UPP2: variants seen among roughly 807,000 people sequenced by gnomAD.
UPP2 encodes the protein UPase 2.
A neutral mutation model predicts 26.7 loss-of-function variants in UPP2; 23 were observed. The observed-to-expected ratio is 0.86, with a 90% CI of 0.62 to 1.22. The LOEUF is 1.22. UPP2 is among the 50% of genes most tolerant of loss of function. UPP2 has a pLI of 0.00. For missense variants in UPP2, 387 were observed against 396.7 expected, an observed-to-expected ratio of 0.98 and a Z score of 0.21; for synonymous variants, 127 against 141.3, an observed-to-expected ratio of 0.90 and a Z score of 0.72.
intron 3 of UPP2, among the ~76,000 whole-genome samples, chr2:158,019,711 A>T: frequency 6.6e-6 from 1 of 151,662 alleles, no homozygotes; most frequent in East Asian, 1.9e-4. Flanking sequence ...AGAGAGAGAG[A>T]AATTCTATCT....
At chr2:158,082,404 C>A (rs1210337908) in intron 3 of UPP2, among the ~76,000 whole-genome samples, 2 of 152,182 alleles carry the variant, frequency 1.3e-5, no homozygotes, top group African/African-American at 4.8e-5. Flanking sequence ...GATTCTTAGG[C>A]CTTTGCATCC....
At chr2:158,019,833 G>A (rs1558905467) in intron 3 of UPP2, among the ~76,000 whole-genome samples, 1 of 152,038 alleles carries the variant, frequency 6.6e-6, no homozygotes, top group African/African-American at 2.4e-5. Context: ...GCATGCAGGA[G>A]TTTTTTAGAG....
intron 2 of UPP2, among the ~76,000 whole-genome samples, chr2:158,009,855 G>T (rs1683548872): frequency 6.6e-6 from 1 of 152,176 alleles, no homozygotes; most frequent in Non-Finnish European, 1.5e-5. Flanking sequence ...TAAGGCAAAG[G>T]GCTATGCAGG....
At chr2:157,997,519 A>G (rs1683339654) in intron 2 of UPP2, among the ~76,000 whole-genome samples, 1 of 152,134 alleles carries the variant, frequency 6.6e-6, no homozygotes, top group South Asian at 2.1e-4. Flanking sequence ...TTTTGAATTT[A>G]CTTTTGAGGA....
intron 3 of UPP2, among the ~76,000 whole-genome samples, chr2:158,116,183 C>T (rs765978763): frequency 3.9e-5 from 6 of 152,170 alleles, no homozygotes; most frequent in Non-Finnish European, 5.9e-5. Flanking sequence ...GCCAAGAGCG[C>T]CTGAAACCTG....
rs1369202900 is a variant in UPP2, at chr2:158,037,029, T to A, written c.147+21143T>A. ...TTTATTTTTTGGAATCTCAGATTCA[T>A]TCCTATCTCAGAGGGCTAACCAGGC... On this transcript the variant is annotated intron_variant, in intron 3 of 9. Transcript: ENST00000605860. 2.6e-5 allele frequency among the ~76,000 whole-genome samples: 4 copies of A among 152,310 alleles called. No individual in the cohort carries two copies. In the East Asian group the frequency reaches 7.7e-4, roughly 29 times the overall value.
chr2:158,035,147 A>G (rs1386667779), intron 3 of UPP2, among the ~76,000 whole-genome samples: 1 of 151,412 alleles, frequency 6.6e-6, no homozygotes, highest in Non-Finnish European at 1.5e-5. Flanking sequence ...TCAGTTTAAG[A>G]GGATCAGAAT....
chr2:158,087,361 C>T (rs552504454), intron 3 of UPP2, among the ~76,000 whole-genome samples: 2 of 152,208 alleles, frequency 1.3e-5, no homozygotes, highest in East Asian at 1.9e-4. Flanking sequence ...CACCCCTTTA[C>T]CTTAAGTTTA....
chr2:158,120,131 T>C (rs910331333), intron 4 of UPP2, among the ~76,000 whole-genome samples: 1 of 152,068 alleles, frequency 6.6e-6, no homozygotes, highest in Non-Finnish European at 1.5e-5. Context: ...TAATTAAGTC[T>C]ACTTTGATCA....
intron 6 of UPP2, among the ~76,000 whole-genome samples, chr2:158,124,972 T>G (rs1418468209): frequency 6.6e-6 from 1 of 152,186 alleles, no homozygotes; most frequent in African/African-American, 2.4e-5. Flanking sequence ...AGATGGCATT[T>G]AAAGCTATGC....
intron 6 of UPP2, among the ~76,000 whole-genome samples, chr2:158,134,219 T>C (rs563889900): frequency 6.6e-6 from 1 of 152,330 alleles, no homozygotes; most frequent in African/African-American, 2.4e-5. Context: ...GAGCCAGTAC[T>C]CACGTTTATT....
intron 3 of UPP2, among the ~76,000 whole-genome samples, chr2:158,093,676 C>G (rs983207211): frequency 6.6e-6 from 1 of 152,056 alleles, no homozygotes; most frequent in African/African-American, 2.4e-5. Context: ...ATTTTACAGT[C>G]ATCACATTAA....
intron 6 of UPP2, 55 bp from the exon 7 acceptor site, chr2:158,134,693 T>G (rs760724254): frequency 9.2e-6 from 14 of 1,520,658 alleles, no homozygotes; most frequent in African/African-American, 2.8e-5. Flanking sequence ...GGCTAATGCT[T>G]CTATAGAAAA....
chr2:158,099,810 G>A (rs758523653), upstream of UPP2, among the ~76,000 whole-genome samples: 8 of 152,158 alleles, frequency 5.3e-5, no homozygotes, highest in Non-Finnish European at 1.0e-4. Flanking sequence ...AAAGGAAGAC[G>A]GTAGGAAGTG....
intron 3 of UPP2, among the ~76,000 whole-genome samples, chr2:158,070,977 T>G (rs544198886): frequency 2.6e-5 from 4 of 152,132 alleles, no homozygotes; most frequent in African/African-American, 7.2e-5. Flanking sequence ...GAGAGATCAT[T>G]TGGATCAGCC....
intron 6 of UPP2, among the ~76,000 whole-genome samples, chr2:158,124,469 C>G (rs1683649630): frequency 6.6e-6 from 1 of 152,178 alleles, no homozygotes; most frequent in Non-Finnish European, 1.5e-5. Flanking sequence ...AGAACAATGA[C>G]TTTCACTCTG....
At chr2:158,048,468 G>T (rs1003878362) in intron 3 of UPP2, among the ~76,000 whole-genome samples, 2 of 152,188 alleles carry the variant, frequency 1.3e-5, no homozygotes, top group African/African-American at 4.8e-5. Context: ...CCCAGGCATG[G>T]TGCCATGCAC....
chr2:158,047,136 C>T (rs1008228013), intron 3 of UPP2, among the ~76,000 whole-genome samples: 3 of 152,158 alleles, frequency 2.0e-5, no homozygotes, highest in African/African-American at 7.2e-5. Context: ...TCTCATGTTG[C>T]ATTTGTTCTA....
intron 6 of UPP2, among the ~76,000 whole-genome samples, chr2:158,132,008 C>T (rs1238953181): frequency 6.6e-6 from 1 of 152,154 alleles, no homozygotes; most frequent in East Asian, 1.9e-4. Flanking sequence ...TCCTTTTATC[C>T]TTCTGCCAAA....
Sources: gnomAD v4.1 joint callset for allele counts (sites outside exome capture counted in the v4.1 genomes callset) on GRCh38, gnomAD v4.1.1 for gene constraint, MANE v1.5 for transcripts, NCBI Gene and HGNC (gene_info 2026-07-23, HGNC 2026-07-21) for gene names.